The following HRH4 variants were observed in gnomAD, a reference collection of about 807,000 sequenced individuals.
HRH4 encodes histamine receptor H4, also known as histamine H4 receptor.
A neutral mutation model predicts 10.4 loss-of-function variants in HRH4; 12 were observed. The observed-to-expected ratio is 1.15, with a 90% confidence interval of 0.74 to 1.87. The LOEUF (loss-of-function observed/expected upper bound fraction) is 1.87, where lower values mean the gene tolerates loss of function less well. Among genes scored for constraint, HRH4 ranks in the 40% most tolerant of loss-of-function variants. HRH4 has a pLI of 0.00. For missense variants in HRH4, 415 were observed against 453.3 expected (o/e 0.92, Z 0.77); for synonymous variants, 154 against 166.6 (o/e 0.92, Z 0.58).
At chr18:24,472,745 A>T (rs1427519228) in intron 2 of HRH4, among the ~76,000 whole-genome samples, 10 of 152,186 alleles carry the variant, frequency 6.6e-5, no homozygotes, top group Admixed American at 6.5e-4. Context: ...GGAGCACATG[A>T]TTACAGTCCT....
chr18:24,464,043 G>A (rs919137196), intron 1 of HRH4, among the ~76,000 whole-genome samples: 1 of 152,166 alleles, frequency 6.6e-6, no homozygotes, highest in Admixed American at 6.5e-5. Context: ...TGCTATCAGA[G>A]CCTGAACCAA....
In HRH4 at chr18:24,477,419, T is replaced by G. The variant is rs928808700; in HGVS notation, c.1030T>G (p.Phe344Val). 1.2e-6 allele frequency: 2 copies of G among 1,614,076 alleles called. No individual in the cohort carries two copies. Among genetic ancestry groups the G allele is most frequent in the Non-Finnish European group, 1.7e-6 (2 of 1,180,026 alleles). Residue 344 changes from phenylalanine to valine, a missense_variant, in exon 3 of 3, where the codon TTT becomes GTT. Coordinates refer to ENST00000256906, the MANE Select transcript of HRH4 (RefSeq NM_021624.4). ...GPKSVWYRIA[F>V]WLQWFNSFVN... ...TAAATCAGTTTGGTATAGAATTGCA[T>G]TTTGGCTTCAGTGGTTCAATTCCTT...
chr18:24,460,708 CCTT>C lies in HRH4; in HGVS notation c.-16_-14del, dbSNP rs766412689. The C allele has an allele frequency of 5.0e-5, 73 of 1,462,588 alleles. No individual in the cohort carries two copies. Among genetic ancestry groups the C allele is most frequent in the Admixed American group, 2.3e-4 (11 of 47,766 alleles). 90.6% of individuals were successfully genotyped at this position (1,462,588 alleles called of 1,614,324 possible). A position where few individuals can be genotyped will look rare whatever the true frequency, so the allele number is the denominator to read the frequency against. On this transcript the variant is annotated 5_prime_UTR_variant, in exon 1 of 3. Coordinates refer to ENST00000256906, the MANE Select transcript of HRH4 (RefSeq NM_021624.4). ...TGGCTGGATTAATTTGCTAATTTGA[CCTT>C]CTTCATCATTTGATGTGATGCCAGA...
Position 24,460,819 on chromosome 18 carries a change from C to A in HRH4, c.91C>A (p.Leu31Ile). 6.3e-7 allele frequency: 1 copy of A among 1,588,710 alleles called. No homozygotes were observed. Among genetic ancestry groups the A allele is most frequent in the Non-Finnish European group, 8.6e-7 (1 of 1,161,950 alleles). Residue 31 changes from leucine to isoleucine, a missense_variant, in exon 1 of 3, where the codon CTA becomes ATA. Leu to Ile is a conservative substitution (Grantham distance 5, BLOSUM62 2). Coordinates refer to ENST00000256906, the MANE Select transcript of HRH4 (RefSeq NM_021624.4). ...FMSLVAFAIM[L>I]GNALVILAFV... The stretch of plus-strand genomic sequence containing the variant: ...GTCCTTAGTAGCTTTTGCTATAATG[C>A]TAGGAAATGCTTTGGTCATTTTAGC...
chr18:24,467,916 A>T (rs1568096525), intron 1 of HRH4, among the ~76,000 whole-genome samples: 1 of 152,120 alleles, frequency 6.6e-6, no homozygotes, highest in African/African-American at 2.4e-5. Context: ...GAAAAAAGAG[A>T]TGTGAAAATG....
rs116715978 is a variant in HRH4, at chr18:24,477,390, G to T, written c.1001G>T (p.Gly334Val). ...IVLSFYSSAT[G>V]PKSVWYRIAF... The stretch of plus-strand genomic sequence containing the variant: ...CTTTCATTTTATTCCTCAGCAACAG[G>T]TCCTAAATCAGTTTGGTATAGAATT... Residue 334 changes from glycine (G) to valine (V), a missense_variant, in exon 3 of 3, where the codon GGT (glycine) becomes GTT (valine). By Grantham distance (109) the Gly-to-Val change is moderately radical. Transcript: ENST00000256906. The T allele has an allele frequency of 6.2e-6, 10 of 1,614,074 alleles. No homozygotes were observed. In the East Asian group the frequency reaches 2.2e-4, roughly 36 times the overall value.
chr18:24,476,683 A>C, intron 2 of HRH4, 64 bp from the exon 3 acceptor site: 2 of 1,217,630 alleles, frequency 1.6e-6, no homozygotes, highest in Non-Finnish European at 2.4e-6. Context: ...CTAAGGATCT[A>C]TGAGATACTT....
rs200257355 is a variant in HRH4 at position 24,470,501 on chromosome 18, A to ATTT, written c.357+1567_357+1569dup. On this transcript the variant is annotated intron_variant, in intron 2 of 2. Coordinates refer to ENST00000256906, the MANE Select transcript of HRH4 (RefSeq NM_021624.4). The stretch of plus-strand genomic sequence containing the variant: ...GGTGGTGGGCCACATTTGTTTCTCT[A>ATTT]TTTTTTTTTTTTTTTTTTTGGAGAC... Among the ~76,000 whole-genome samples the ATTT allele has an allele frequency of 3.1e-5, 4 of 129,878 alleles. 1 individual carries two copies. Among genetic ancestry groups the ATTT allele is most frequent in the Admixed American group, 8.0e-5 (1 of 12,508 alleles). 85.2% of individuals were successfully genotyped at this position (129,878 alleles called of 152,430 possible).
At position 24,479,836 on chromosome 18, in the gene HRH4, C is replaced by G. The variant is rs1174847188; in HGVS notation, c.*2274C>G. ...TACAAGTCTTTTAAGTACATGAGTG[C>G]TTAGAAATGTACATAATGTTTATAT... is the stretch of plus-strand genomic sequence containing the variant. On this transcript the variant is annotated 3_prime_UTR_variant, in exon 3 of 3. Coordinates refer to ENST00000256906, the MANE Select transcript of HRH4 (RefSeq NM_021624.4). 1.3e-5 allele frequency: 2 copies of G among 152,052 alleles called. No homozygotes were observed. The highest frequency in any genetic ancestry group is 3.8e-4 in the East Asian group (2 of 5,198). 9.4% of individuals were successfully genotyped at this position (152,052 alleles called of 1,614,324 possible).
At chr18:24,473,977 C>CG (rs11416721) in intron 2 of HRH4, among the ~76,000 whole-genome samples, 135,398 of 152,194 alleles carry the variant, frequency 0.89, 60,494 homozygotes, top group African/African-American at 0.92. Context: ...AGCCTGGTTC[C>CG]GATTCAAGCA....
At chr18:24,461,567 CATA>C (rs1909639121) in intron 1 of HRH4, among the ~76,000 whole-genome samples, 1 of 152,016 alleles carries the variant, frequency 6.6e-6, no homozygotes, top group Non-Finnish European at 1.5e-5. Context: ...CAATGCTTAT[CATA>C]ATAAGTAGAT....
rs1257526905 is a variant in HRH4, at chr18:24,476,988, G to A, written c.599G>A (p.Ser200Asn). The A allele has an allele frequency of 1.2e-6, 2 of 1,614,062 alleles. No individual in the cohort carries two copies. Among genetic ancestry groups the A allele is most frequent in the East Asian group, 2.2e-5 (1 of 44,890 alleles). Residue 200 changes from serine to asparagine, a missense_variant, in exon 3 of 3, where the codon AGC becomes AAC. By Grantham distance (46) the Ser-to-Asn change is conservative (BLOSUM62 1). Coordinates refer to ENST00000256906, the MANE Select transcript of HRH4 (RefSeq NM_021624.4). ...VAYFNMNIYW[S>N]LWKRDHLSRC... is the part of the protein sequence containing the mutation. ...TATTTCAACATGAATATTTATTGGA[G>A]CCTGTGGAAGCGTGATCATCTCAGT... is the stretch of plus-strand genomic sequence containing the variant.
chr18:24,474,591 A>G (rs909566306), intron 2 of HRH4, among the ~76,000 whole-genome samples: 6 of 152,162 alleles, frequency 3.9e-5, no homozygotes, highest in Non-Finnish European at 8.8e-5. Context: ...GAAAAAAGGA[A>G]GCATGTACCA....
At chr18:24,461,122 A>G (rs1448526447) in intron 1 of HRH4, among the ~76,000 whole-genome samples, 1 of 152,126 alleles carries the variant, frequency 6.6e-6, no homozygotes, top group African/African-American at 2.4e-5. Context: ...GTGGTAGGGG[A>G]ATTTTCAGCT....
intron 2 of HRH4, among the ~76,000 whole-genome samples, chr18:24,476,063 T>G (rs1910124992): frequency 6.6e-6 from 1 of 152,164 alleles, no homozygotes; most frequent in Non-Finnish European, 1.5e-5. Flanking sequence ...GTGGTTAATC[T>G]TCTTGGGAGT....
chr18:24,473,050 G>A (rs1910020365), intron 2 of HRH4, among the ~76,000 whole-genome samples: 1 of 152,126 alleles, frequency 6.6e-6, no homozygotes, highest in Admixed American at 6.5e-5. Context: ...AGCTACTCGG[G>A]AGACTGAGGC....
intron 1 of HRH4, among the ~76,000 whole-genome samples, chr18:24,466,921 GTTTCGTCACT>G (rs1046498981): frequency 6.6e-6 from 1 of 152,196 alleles, no homozygotes; most frequent in African/African-American, 2.4e-5. Context: ...AAGGAACCTC[GTTTCGTCACT>G]TTTCAGTTAA....
At chr18:24,475,117 T>C (rs149350716) in intron 2 of HRH4, among the ~76,000 whole-genome samples, 248 of 152,280 alleles carry the variant, frequency 1.6e-3, no homozygotes, top group African/African-American at 5.7e-3. Context: ...GATTTCAGGA[T>C]TGACATAAGG....
At chr18:24,474,497 G>T (rs1483735992) in intron 2 of HRH4, among the ~76,000 whole-genome samples, 1 of 152,112 alleles carries the variant, frequency 6.6e-6, no homozygotes, top group Non-Finnish European at 1.5e-5. Flanking sequence ...AGAGTGCTGG[G>T]CAATGCTGCA....
Sources: gnomAD v4.1 joint callset for allele counts (sites outside exome capture counted in the v4.1 genomes callset) on GRCh38, gnomAD v4.1.1 for gene constraint, MANE v1.5 for transcripts, NCBI Gene and HGNC (gene_info 2026-07-23, HGNC 2026-07-21) for gene names.